The following TMEM170A variants were observed in gnomAD, a reference collection of about 807,000 sequenced individuals.
TMEM170A encodes the protein transmembrane protein 170.
In TMEM170A, 18 loss-of-function variants were observed where a neutral mutation model predicts 12.8. That is an observed-to-expected ratio of 1.41 (90% confidence interval 0.97 to 2.09). The LOEUF (loss-of-function observed/expected upper bound fraction) is 2.09, where lower values mean the gene tolerates loss of function less well. Ranked by LOEUF, TMEM170A falls within the 30% of genes most tolerant of loss-of-function variation. The probability of loss-of-function intolerance (pLI) is 0.00; values close to 1 mark genes in which losing one functional copy is unlikely to be tolerated. For missense variants in TMEM170A, 220 were observed against 179.9 expected (o/e 1.22, Z -1.28); for synonymous variants, 107 against 76.2 (o/e 1.40, Z -2.11).
intron 1 of TMEM170A, among the ~76,000 whole-genome samples, chr16:75,459,726 G>A (rs2079868852): frequency 6.6e-6 from 1 of 151,994 alleles, no homozygotes; most frequent in African/African-American, 2.4e-5. Flanking sequence ...GTTTGGTGGT[G>A]TCTGCCTCTA....
chr16:75,464,307 G>A (rs2079958549), intron 1 of TMEM170A, 161 bp downstream of exon 1: 1 of 1,470,066 alleles, frequency 6.8e-7, no homozygotes, highest in Non-Finnish European at 9.0e-7. Flanking sequence ...GAAGTGATGG[G>A]GAAAGGGGCT....
At chr16:75,452,351 C>T (rs989264743) in intron 1 of TMEM170A, among the ~76,000 whole-genome samples, 1 of 151,936 alleles carries the variant, frequency 6.6e-6, no homozygotes, top group Non-Finnish European at 1.5e-5. Context: ...TCACTGCAGC[C>T]TTGACCTCCT....
intron 2 of TMEM170A, among the ~76,000 whole-genome samples, chr16:75,448,878 A>G (rs982213477): frequency 2.0e-5 from 3 of 152,024 alleles, no homozygotes; most frequent in East Asian, 1.9e-4. Context: ...CCTGGGTAAC[A>G]TGACCAAACC....
At chr16:75,464,102 G>A (rs984294391) in intron 1 of TMEM170A, 7 of 1,058,046 alleles carry the variant, frequency 6.6e-6, no homozygotes, top group South Asian at 1.4e-5. Context: ...GCGCCGTGGG[G>A]CAACCCAGGC....
Position 75,451,980 on chromosome 16 carries a change from AT to A in TMEM170A, c.134-142del, listed in dbSNP as rs905531111. On this transcript the variant is annotated intron_variant, in intron 1 of 2. Transcript: ENST00000561878. ...TTTTGAAAAATTTTTATTATTTTTA[AT>A]TTTTTTTTGAGACGGAGTCTCGCTC... The A allele has an allele frequency of 3.0e-4, 245 of 810,718 alleles. 1 individual carries two copies. The highest frequency in any genetic ancestry group is 7.1e-4 in the Admixed American group (23 of 32,582). The allele number at this position is 810,718 out of a possible 1,614,324, so 50.2% of individuals were successfully genotyped here. A position where few individuals can be genotyped will look rare whatever the true frequency, so the allele number is the denominator to read the frequency against.
At chr16:75,449,912 C>G (rs59465235) in intron 2 of TMEM170A, among the ~76,000 whole-genome samples, 74,603 of 151,512 alleles carry the variant, frequency 0.49, 19,781 homozygotes, top group Admixed American at 0.62. Context: ...TCCAAGAGAG[C>G]AGCAAATGGA....
intron 2 of TMEM170A, among the ~76,000 whole-genome samples, chr16:75,450,703 GGA>G (rs1314951150): frequency 2.0e-5 from 3 of 152,116 alleles, no homozygotes; most frequent in Non-Finnish European, 2.9e-5. Flanking sequence ...GGCCCAGGCT[GGA>G]GTGCTGTGGT....
chr16:75,454,457 A>AGT (rs1320568016), intron 1 of TMEM170A, among the ~76,000 whole-genome samples: 112 of 66,644 alleles, frequency 1.7e-3, no homozygotes, highest in African/African-American at 5.3e-3. Flanking sequence ...TCTCTCTAAA[A>AGT]ATACACACAC....
chr16:75,461,536 C>G (rs954388455), intron 1 of TMEM170A, among the ~76,000 whole-genome samples: 10 of 152,128 alleles, frequency 6.6e-5, no homozygotes, highest in Admixed American at 6.5e-4. Flanking sequence ...TCTGTGGGGC[C>G]AAAATATCAA....
intron 1 of TMEM170A, among the ~76,000 whole-genome samples, chr16:75,456,498 A>G (rs779790521): frequency 7.9e-5 from 12 of 152,156 alleles, no homozygotes; most frequent in Non-Finnish European, 1.0e-4. Context: ...TCCTCCACCA[A>G]TGAAAAAAGT....
At position 75,447,586 on chromosome 16, in the gene TMEM170A, G is replaced by A; in HGVS notation, c.407C>T (p.Ser136Phe). 1.2e-6 allele frequency: 2 copies of A among 1,610,434 alleles called. No individual in the cohort carries two copies. The highest frequency in any genetic ancestry group is 8.5e-7 in the Non-Finnish European group (1 of 1,178,500). ...TGQTFCVLVVSFLRILATL is the reference protein window; with the variant it reads ...TGQTFCVLVVFFLRILATL ...TAGAGTAGCTAAAATCCGTAAAAAGGAGACCACCAAGACGCAAAATGTCTG... is the reference window on the plus strand; with the variant it reads ...TAGAGTAGCTAAAATCCGTAAAAAGAAGACCACCAAGACGCAAAATGTCTG... The change falls in exon 3 of 3, where the codon TCC becomes TTC. Residue 136 changes from serine (S) to phenylalanine (F), a missense_variant. By Grantham distance (155) the Ser-to-Phe change is radical. Transcript: ENST00000561878.
At chr16:75,461,202 C>T (rs1274196389) in intron 1 of TMEM170A, among the ~76,000 whole-genome samples, 5 of 151,648 alleles carry the variant, frequency 3.3e-5, no homozygotes, top group Non-Finnish European at 7.4e-5. Flanking sequence ...TACAGGCATG[C>T]ACCACCACGC....
chr16:75,443,544 T>G lies in TMEM170A; in HGVS notation c.*4014A>C, dbSNP rs2079534628. On this transcript the variant is annotated 3_prime_UTR_variant, in exon 3 of 3. Transcript: ENST00000561878. ...ATATGTGCTGCAGCATAATAGGAAC[T>G]TAATTCAAACCAGAGCAACCAGAAA... 6.6e-6 allele frequency: 1 copy of G among 152,128 alleles called. No homozygotes were observed. Among genetic ancestry groups the G allele is most frequent in the Non-Finnish European group, 1.5e-5 (1 of 68,028 alleles). The allele number at this position is 152,128 out of a possible 1,614,324, so 9.4% of individuals were successfully genotyped here.
intron 2 of TMEM170A, 87 bp downstream of exon 2, chr16:75,451,582 C>T (rs775764973): frequency 1.1e-5 from 15 of 1,427,846 alleles, no homozygotes; most frequent in Non-Finnish European, 1.3e-5. Flanking sequence ...TTTCCTTCAT[C>T]CTACTCAGAT....
At chr16:75,454,525 CT>C (rs1326202573) in intron 1 of TMEM170A, among the ~76,000 whole-genome samples, 2 of 152,034 alleles carry the variant, frequency 1.3e-5, no homozygotes. Flanking sequence ...GTCCCAGCTA[CT>C]TGGGAGGCTG....
At chr16:75,454,050 G>GT (rs1297011862) in intron 1 of TMEM170A, among the ~76,000 whole-genome samples, 5 of 152,208 alleles carry the variant, frequency 3.3e-5, no homozygotes, top group Admixed American at 2.6e-4. Flanking sequence ...CTAGAGGCAG[G>GT]TAAGTAGCAA....
At position 75,445,194 on chromosome 16, in the gene TMEM170A, G is replaced by GA. The variant is rs1468635171; in HGVS notation, c.*2363dup. 2 of 152,236 alleles carry GA rather than the reference G, an allele frequency of 1.3e-5. No homozygotes were observed. The highest frequency in any genetic ancestry group is 2.9e-5 in the Non-Finnish European group (2 of 68,026). The allele number at this position is 152,236 out of a possible 1,614,324, so 9.4% of individuals were successfully genotyped here. ...TAGAATTTTTACAATTTGCCTGTGA[G>GA]AAAGATTTGAGCTTCTTGTTAGGGA... is the stretch of plus-strand genomic sequence containing the variant. On this transcript the variant is annotated 3_prime_UTR_variant, in exon 3 of 3. Coordinates refer to ENST00000561878, the MANE Select transcript of TMEM170A (RefSeq NM_145254.3).
At chr16:75,454,409 G>A (rs954693824) in intron 1 of TMEM170A, among the ~76,000 whole-genome samples, 12 of 152,098 alleles carry the variant, frequency 7.9e-5, no homozygotes, top group Non-Finnish European at 1.8e-4. Context: ...ACGAGGTCAG[G>A]AGTTCAAGAC....
upstream of TMEM170A, chr16:75,464,703 G>T: frequency 2.1e-6 from 3 of 1,440,258 alleles, no homozygotes; most frequent in South Asian, 1.3e-5. Context: ...TCCAGCCGGG[G>T]TCCTCTTCCC....
Sources: gnomAD v4.1 joint callset for allele counts (sites outside exome capture counted in the v4.1 genomes callset) on GRCh38, gnomAD v4.1.1 for gene constraint, MANE v1.5 for transcripts, NCBI Gene and HGNC (gene_info 2026-07-23, HGNC 2026-07-21) for gene names.